The following TMC2 variants were observed in gnomAD, a reference collection of about 807,000 sequenced individuals.
TMC2 encodes the protein transmembrane channel-like protein 2.
A neutral mutation model predicts 105.9 loss-of-function variants in TMC2; 102 were observed. The observed-to-expected ratio is 0.96, with a 90% CI of 0.82 to 1.14. The LOEUF is 1.14. TMC2 is among the 50% of genes most tolerant of loss of function. The pLI is 0.00. For missense variants in TMC2, 1,093 were observed against 1,134.3 expected (o/e 0.96, Z 0.52); for synonymous variants, 402 against 422.8 (o/e 0.95, Z 0.60).
intron 3 of TMC2, among the ~76,000 whole-genome samples, chr20:2,559,479 T>C (rs549318012): frequency 8.1e-4 from 123 of 152,212 alleles, no homozygotes; most frequent in Non-Finnish European, 1.5e-3. Flanking sequence ...TGCCTCCCTT[T>C]TTCAGTCATT....
intron 17 of TMC2, 147 bp downstream of exon 17, chr20:2,624,543 A>G: frequency 1.0e-6 from 1 of 996,816 alleles, no homozygotes; most frequent in Non-Finnish European, 1.4e-6. Flanking sequence ...TAAGTATTTT[A>G]TTAGGGAGGG....
rs185719795 is a variant in TMC2 at position 2,614,555 on chromosome 20, T to C, written c.1872+1233T>C. Reference sequence around the variant, plus strand: ...TTGATCACACCACTGCATTCCTGCCTAGGCGACATAGTGAGGCCCTGTCTC... The same window carrying C: ...TTGATCACACCACTGCATTCCTGCCCAGGCGACATAGTGAGGCCCTGTCTC... On this transcript the variant is annotated intron_variant, in intron 14 of 19. Coordinates refer to ENST00000358864, the MANE Select transcript of TMC2 (RefSeq NM_080751.3). 2.6e-3 allele frequency among the ~76,000 whole-genome samples: 399 copies of C among 152,248 alleles called. 2 individuals are homozygous for C. The highest frequency in any genetic ancestry group is 9.2e-3 in the African/African-American group (383 of 41,532).
At chr20:2,614,156 T>C (rs2086463719) in intron 14 of TMC2, 1 of 152,174 alleles carries the variant, frequency 6.6e-6, no homozygotes, top group Non-Finnish European at 1.5e-5. Flanking sequence ...TGAAAGAACT[T>C]TGTGCTCAAA....
rs529656719 is a variant in TMC2, at chr20:2,626,108, G to A, written c.2306+1712G>A. ...TAATGTTATCTTTCCCCAAAGGGAT[G>A]GGTTTTTTTTCCTGAAGGGCAAATG... On this transcript the variant is annotated intron_variant, in intron 17 of 19. Transcript: ENST00000358864. Among the ~76,000 whole-genome samples, 4 of 149,362 alleles carry A rather than the reference G, an allele frequency of 2.7e-5. No individual in the cohort carries two copies. In the South Asian group the frequency reaches 8.5e-4, roughly 32 times the overall value.
intron 5 of TMC2, among the ~76,000 whole-genome samples, chr20:2,578,388 T>C (rs1015700610): frequency 3.3e-5 from 5 of 152,214 alleles, no homozygotes; most frequent in Non-Finnish European, 5.9e-5. Flanking sequence ...TTATGCTTTC[T>C]ATGAGTATTT....
chr20:2,592,416 T>G lies in TMC2; in HGVS notation c.933+8T>G. On this transcript the variant is annotated splice_region_variant and intron_variant, in intron 8 of 19. Coordinates refer to ENST00000358864, the MANE Select transcript of TMC2 (RefSeq NM_080751.3). This position sits in a 1 kb window ranked among gnomAD's most constrained non-coding sequence, Gnocchi z 4.9. Reference sequence around the variant, plus strand: ...GTCCTTTGGGATTTTGAGGTACTATTGTCAACATGCCAATGAACTTCCATT... The same window carrying G: ...GTCCTTTGGGATTTTGAGGTACTATGGTCAACATGCCAATGAACTTCCATT... The G allele has an allele frequency of 6.3e-7, 1 of 1,576,554 alleles. No homozygotes were observed. Among genetic ancestry groups the G allele is most frequent in the Middle Eastern group, 1.7e-4 (1 of 5,998 alleles).
At chr20:2,583,075 C>T (rs891508300) in intron 7 of TMC2, among the ~76,000 whole-genome samples, 5 of 152,114 alleles carry the variant, frequency 3.3e-5, no homozygotes, top group Non-Finnish European at 5.9e-5. Flanking sequence ...AGGCTCACCC[C>T]CAGTCAAATA....
At chr20:2,600,470 G>T (rs186546030) in intron 10 of TMC2, among the ~76,000 whole-genome samples, 1 of 152,298 alleles carries the variant, frequency 6.6e-6, no homozygotes. Flanking sequence ...CTGAGGTCAG[G>T]AGTTTGAGAT....
chr20:2,558,510 C>A lies in TMC2; in HGVS notation c.137C>A (p.Thr46Asn), dbSNP rs1165340874. 6.4e-7 allele frequency: 1 copy of A among 1,557,990 alleles called. No individual in the cohort carries two copies. Among genetic ancestry groups the A allele is most frequent in the African/African-American group, 1.4e-5 (1 of 73,474 alleles). Residue 46 changes from threonine to asparagine, a missense_variant, in exon 3 of 20, where the codon ACC (threonine) becomes AAC (asparagine). Physicochemically the swap from Thr to Asn is moderately conservative, Grantham distance 65. Transcript: ENST00000358864. This position sits in a 1 kb window ranked among gnomAD's most constrained non-coding sequence, Gnocchi z 4.6. The part of the protein sequence containing the change: ...SSKRALKAEG[T>N]PGRRGAQRSQ... ...AAGCGGGCTCTCAAAGCCGAGGGGA[C>A]CCCAGGCAGGCGCGGAGCTCAGCGA...
chr20:2,597,127 A>G, intron 9 of TMC2, 24 bp from the exon 10 acceptor site: 1 of 1,609,144 alleles, frequency 6.2e-7, no homozygotes, highest in East Asian at 2.2e-5. Context: ...GGCAGACGTC[A>G]CAACAGTGCT....
At chr20:2,614,495 C>T (rs1191449374) in intron 14 of TMC2, among the ~76,000 whole-genome samples, 1 of 152,134 alleles carries the variant, frequency 6.6e-6, no homozygotes, top group Non-Finnish European at 1.5e-5. Flanking sequence ...ATCCCAGCTA[C>T]TCAGGAGGCT....
At chr20:2,566,319 T>C (rs1410506723) in intron 4 of TMC2, among the ~76,000 whole-genome samples, 1 of 152,232 alleles carries the variant, frequency 6.6e-6, no homozygotes, top group Non-Finnish European at 1.5e-5. Flanking sequence ...ATTACTGTTA[T>C]TATTAAAGCT....
At chr20:2,600,361 T>A (rs1757144819) in intron 10 of TMC2, among the ~76,000 whole-genome samples, 1 of 152,214 alleles carries the variant, frequency 6.6e-6, no homozygotes, top group South Asian at 2.1e-4. Context: ...TCAATTTTTA[T>A]ATACTAACAG....
intron 16 of TMC2, among the ~76,000 whole-genome samples, chr20:2,623,576 A>G (rs2086541447): frequency 6.6e-6 from 1 of 151,882 alleles, no homozygotes; most frequent in South Asian, 2.1e-4. Flanking sequence ...ATAATTGTCC[A>G]CGTGTCTCAC....
intron 16 of TMC2, among the ~76,000 whole-genome samples, chr20:2,621,868 A>AATTTGT (rs1440309875): frequency 6.6e-6 from 1 of 152,138 alleles, no homozygotes; most frequent in Non-Finnish European, 1.5e-5. Flanking sequence ...TAAGATATTA[A>AATTTGT]ATTTGTATTG....
At chr20:2,571,870 C>G (rs1302879691) in intron 4 of TMC2, among the ~76,000 whole-genome samples, 2 of 152,168 alleles carry the variant, frequency 1.3e-5, no homozygotes, top group Admixed American at 6.5e-5. Flanking sequence ...AATCAGTAAT[C>G]TTAACTACAT....
chr20:2,555,483 G>T (rs912688497), intron 2 of TMC2, among the ~76,000 whole-genome samples: 1 of 151,942 alleles, frequency 6.6e-6, no homozygotes, highest in African/African-American at 2.4e-5. Context: ...GGGTTAACAC[G>T]ATTATCTTTC....
intron 2 of TMC2, among the ~76,000 whole-genome samples, chr20:2,547,792 A>G (rs1231044417): frequency 6.6e-6 from 1 of 152,216 alleles, no homozygotes; most frequent in African/African-American, 2.4e-5. Context: ...AGGTAAGGTG[A>G]TCACCCACTA....
chr20:2,555,143 C>T (rs912912665), intron 2 of TMC2, among the ~76,000 whole-genome samples: 2 of 152,088 alleles, frequency 1.3e-5, no homozygotes, highest in African/African-American at 4.8e-5. Context: ...TGCAATGGTG[C>T]CATCTCTCCT....
Sources: gnomAD v4.1 joint callset for allele counts (sites outside exome capture counted in the v4.1 genomes callset) on GRCh38, gnomAD v4.1.1 for gene constraint, Gnocchi (gnomAD v3.1) non-coding constraint, MANE v1.5 for transcripts, NCBI Gene and HGNC (gene_info 2026-07-23, HGNC 2026-07-21) for gene names.